TBPL2: variants seen among roughly 807,000 people sequenced by gnomAD.
The protein encoded by TBPL2 is TATA-box binding protein like 2.
Under a neutral mutation model 38.2 loss-of-function variants are expected in TBPL2, and 40 were observed. That is an observed-to-expected ratio of 1.05 (90% CI 0.81 to 1.36). The LOEUF (loss-of-function observed/expected upper bound fraction) is 1.36. Ranked by LOEUF, TBPL2 falls within the 40% of genes most tolerant of loss-of-function variation. The pLI is 0.00. For missense variants in TBPL2, 461 were observed against 456.7 expected (o/e 1.01, Z -0.09); for synonymous variants, 169 against 171.7 (o/e 0.98, Z 0.12).
intron 4 of TBPL2, among the ~76,000 whole-genome samples, chr14:55,432,149 T>G (rs556386881): frequency 9.2e-5 from 14 of 151,838 alleles, no homozygotes; most frequent in South Asian, 2.1e-4. Flanking sequence ...AGCTCACGCC[T>G]GTAATCCCAG....
chr14:55,438,073 C>G (rs1886044513), intron 1 of TBPL2, among the ~76,000 whole-genome samples: 1 of 152,204 alleles, frequency 6.6e-6, no homozygotes, highest in African/African-American at 2.4e-5. Context: ...AAATGCATTA[C>G]CACCTGCTTC....
chr14:55,414,410 T>C (rs749358867), exon 7 of TBPL2: 3 of 1,609,234 alleles, frequency 1.9e-6, no homozygotes, highest in African/African-American at 1.3e-5. Flanking sequence ...TAGAATAGGA[T>C]AGATGTTTTC....
At chr14:55,414,337 A>G in exon 7 of TBPL2, 1 of 1,425,566 alleles carries the variant, frequency 7.0e-7, no homozygotes, top group East Asian at 2.3e-5. Context: ...GGGCTTATGG[A>G]CATATTCAAA....
At chr14:55,430,656 C>T (rs1354958825) in intron 4 of TBPL2, among the ~76,000 whole-genome samples, 1 of 152,104 alleles carries the variant, frequency 6.6e-6, no homozygotes, top group African/African-American at 2.4e-5. Context: ...CTCAGCCTCC[C>T]CAAGTACTGA....
At chr14:55,429,522 G>A (rs1417117349) in intron 4 of TBPL2, among the ~76,000 whole-genome samples, 1 of 152,188 alleles carries the variant, frequency 6.6e-6, no homozygotes, top group African/African-American at 2.4e-5. Context: ...CCAGCACTTT[G>A]GGAGGCTGAG....
At chr14:55,429,434 G>A (rs946206868) in intron 4 of TBPL2, among the ~76,000 whole-genome samples, 10 of 152,260 alleles carry the variant, frequency 6.6e-5, no homozygotes, top group African/African-American at 2.2e-4. Context: ...TGCAGTTTGG[G>A]AACCATTCAT....
At chr14:55,418,896 A>G (rs772410193) in intron 6 of TBPL2, among the ~76,000 whole-genome samples, 32 of 152,278 alleles carry the variant, frequency 2.1e-4, no homozygotes, top group Admixed American at 1.6e-3. Context: ...GCTTCCTTAC[A>G]ACACTTAGGT....
intron 1 of TBPL2, among the ~76,000 whole-genome samples, chr14:55,440,022 C>G (rs555811633): frequency 2.0e-5 from 3 of 151,258 alleles, no homozygotes; most frequent in African/African-American, 4.9e-5. Flanking sequence ...ATCGCTTGAA[C>G]CCAGGAGGCG....
At chr14:55,432,552 T>C (rs1373028998) in intron 4 of TBPL2, among the ~76,000 whole-genome samples, 2 of 152,078 alleles carry the variant, frequency 1.3e-5, no homozygotes, top group South Asian at 2.1e-4. Context: ...AATCTCTCCA[T>C]AGATAACTGA....
Position 55,414,547 on chromosome 14 carries a change from T to G in TBPL2, c.1052-92A>C, listed in dbSNP as rs189650870. 5.1e-4 allele frequency: 467 copies of G among 922,552 alleles called. 1 individual carries two copies. Among genetic ancestry groups the G allele is most frequent in the Non-Finnish European group, 6.7e-4 (420 of 624,094 alleles). 57.1% of individuals were successfully genotyped at this position (922,552 alleles called of 1,614,324 possible). ...ATTTCATTGTATTGTCTCCAATTAC[T>G]TTTAATATGACATCTCTTTAGCTGT... On this transcript the variant is annotated intron_variant, in intron 6 of 6. Coordinates refer to ENST00000247219, the Ensembl canonical transcript of TBPL2.
chr14:55,435,980 T>TAAAA (rs113744998), intron 2 of TBPL2, 46 bp from the exon 3 acceptor site: 292 of 862,762 alleles, frequency 3.4e-4, no homozygotes, highest in Middle Eastern at 9.0e-4. Flanking sequence ...ATATAAAGAG[T>TAAAA]AAAAAAAAAA....
chr14:55,419,713 A>T (rs1324054729), intron 6 of TBPL2, among the ~76,000 whole-genome samples: 1 of 152,190 alleles, frequency 6.6e-6, no homozygotes, highest in African/African-American at 2.4e-5. Context: ...TATATGGATA[A>T]ATTATTTTCA....
intron 5 of TBPL2, among the ~76,000 whole-genome samples, chr14:55,428,351 G>T (rs1209156202): frequency 6.6e-6 from 1 of 151,758 alleles, no homozygotes; most frequent in Non-Finnish European, 1.5e-5. Context: ...GGATGGTCTC[G>T]ATCTCCTGAC....
chr14:55,424,192 G>A (rs1594790674), exon 6 of TBPL2: 1 of 1,613,258 alleles, frequency 6.2e-7, no homozygotes, highest in East Asian at 2.2e-5. Flanking sequence ...ACAAAGATAA[G>A]CAACACAATT....
chr14:55,431,696 G>C (rs1374247482), intron 4 of TBPL2, among the ~76,000 whole-genome samples: 4 of 152,204 alleles, frequency 2.6e-5, no homozygotes, highest in Admixed American at 2.6e-4. Flanking sequence ...GGGAAATGTA[G>C]TAACAATGGA....
intron 5 of TBPL2, among the ~76,000 whole-genome samples, chr14:55,428,117 A>ACCTTTT (rs1566592687): frequency 2.1e-5 from 1 of 48,332 alleles, no homozygotes; most frequent in African/African-American, 7.1e-5. Flanking sequence ...CACATGCCTT[A>ACCTTTT]TCTTTTTTTT....
chr14:55,440,391 C>G lies in TBPL2; in HGVS notation c.150+5G>C, dbSNP rs1350402589. The G allele has an allele frequency of 2.5e-6, 4 of 1,612,924 alleles. No individual in the cohort carries two copies. Among genetic ancestry groups the G allele is most frequent in the African/African-American group, 1.3e-5 (1 of 74,938 alleles). On this transcript the variant is annotated splice_donor_5th_base_variant and intron_variant, in intron 1 of 6. Coordinates refer to ENST00000247219, the Ensembl canonical transcript of TBPL2. ...CTGACTCTGGGACAGTGGCGGCAGC[C>G]TCACCTGAGCGGCGCACTGGTCCAG...
chr14:55,438,092 T>G (rs1594795173), intron 1 of TBPL2, among the ~76,000 whole-genome samples: 1 of 152,336 alleles, frequency 6.6e-6, no homozygotes, highest in Non-Finnish European at 1.5e-5. Flanking sequence ...TCACTCAAGT[T>G]ACGGGCCTGG....
intron 6 of TBPL2, among the ~76,000 whole-genome samples, chr14:55,420,482 T>A (rs889287792): frequency 6.6e-6 from 1 of 152,170 alleles, no homozygotes; most frequent in South Asian, 2.1e-4. Context: ...TTTAAGACAG[T>A]ATAGCATGAA....
Sources: allele counts gnomAD v4.1 joint callset (sites outside exome capture counted in the v4.1 genomes callset), GRCh38; gene constraint gnomAD v4.1.1; transcripts MANE v1.5; gene names NCBI Gene and HGNC (gene_info 2026-07-23, HGNC 2026-07-21).